CD44: variants seen among roughly 807,000 people sequenced by gnomAD.
CD44 encodes the protein CD44 antigen.
In CD44, 49 loss-of-function variants were observed where a neutral mutation model predicts 88.8. That is an observed-to-expected ratio of 0.55 (90% confidence interval 0.44 to 0.70). The LOEUF (loss-of-function observed/expected upper bound fraction) is 0.70. Among genes scored for constraint, CD44 ranks in the 30% least tolerant of loss-of-function variants. The pLI is 0.00. For synonymous variants in CD44, 325 were observed against 312.3 expected (o/e 1.04, Z -0.43); for missense variants, 883 against 913.8 (o/e 0.97, Z 0.43).
At position 35,162,206 on chromosome 11, in the gene CD44, T is replaced by C. The variant is rs372212854; in HGVS notation, c.68-14369T>C. Among the ~76,000 whole-genome samples the C allele has an allele frequency of 1.8e-3, 268 of 152,286 alleles. 1 individual carries two copies. The highest frequency in any genetic ancestry group is 6.4e-3 in the African/African-American group (265 of 41,572). On this transcript the variant is annotated intron_variant, in intron 1 of 17. Transcript: ENST00000428726. ...TTGCACCATGCTTTATGGAAACTAA[T>C]GGTGCTTTAAGAGGCACAGATTTCA...
intron 6 of CD44, chr11:35,197,344 A>G (rs1304246518): frequency 6.6e-6 from 1 of 152,614 alleles, no homozygotes; most frequent in African/African-American, 2.4e-5. Flanking sequence ...CCTGAATCTC[A>G]TTTAAAATGT....
chr11:35,218,908 A>G (rs1949061231), intron 15 of CD44: 1 of 175,972 alleles, frequency 5.7e-6, no homozygotes. Context: ...AAATCTCTGC[A>G]AAATTATGAT....
At chr11:35,211,725 T>G (rs1184858595) in intron 14 of CD44, among the ~76,000 whole-genome samples, 2 of 151,858 alleles carry the variant, frequency 1.3e-5, no homozygotes, top group Non-Finnish European at 2.9e-5. Flanking sequence ...AAGTTGGCTG[T>G]TATGATGGAA....
chr11:35,185,179 C>CGGG (rs1945533190), intron 3 of CD44, among the ~76,000 whole-genome samples: 1 of 152,276 alleles, frequency 6.6e-6, no homozygotes, highest in South Asian at 2.1e-4. Flanking sequence ...GTGATGGTGA[C>CGGG]AGGTGTGGGG....
At chr11:35,199,316 G>T (rs1947069215) in intron 7 of CD44, among the ~76,000 whole-genome samples, 1 of 152,204 alleles carries the variant, frequency 6.6e-6, no homozygotes, top group South Asian at 2.1e-4. Context: ...TTAAAAACAT[G>T]CAAAGGTTGG....
rs759929144 is a variant in CD44 at position 35,211,500 on chromosome 11, A to G, written c.1810+51A>G. On this transcript the variant is annotated intron_variant, in intron 14 of 17. Transcript: ENST00000428726. The stretch of plus-strand genomic sequence containing the variant: ...TGCTTTCTCTATATAGAGAAACAAT[A>G]TATAGTTTCATATTACAGAGGACAT... 19 of 1,304,678 alleles carry G rather than the reference A, an allele frequency of 1.5e-5. No homozygotes were observed. In the African/African-American group the frequency reaches 2.5e-4, roughly 17 times the overall value. 80.8% of individuals were successfully genotyped at this position (1,304,678 alleles called of 1,614,324 possible). A position where few individuals can be genotyped will look rare whatever the true frequency, so the allele number is the denominator to read the frequency against.
At chr11:35,213,591 G>T (rs1675007676) in intron 14 of CD44, 1 of 152,306 alleles carries the variant, frequency 6.6e-6, no homozygotes, top group African/African-American at 2.4e-5. Context: ...ATTGGAGGTT[G>T]CAGTGAGCCG....
At chr11:35,186,771 A>G (rs1479315032) in intron 3 of CD44, 61 bp from the exon 4 acceptor site, 2 of 928,036 alleles carry the variant, frequency 2.2e-6, no homozygotes. Flanking sequence ...ACTAATAAAA[A>G]TGAGGGTAGA....
chr11:35,159,080 A>G (rs879553145), intron 1 of CD44, among the ~76,000 whole-genome samples: 1 of 152,190 alleles, frequency 6.6e-6, no homozygotes, highest in Non-Finnish European at 1.5e-5. Context: ...GAGGCAGTTT[A>G]ACAGAGTAGC....
intron 1 of CD44, among the ~76,000 whole-genome samples, chr11:35,153,553 G>A (rs1226332030): frequency 3.3e-5 from 5 of 152,258 alleles, no homozygotes; most frequent in Non-Finnish European, 7.4e-5. Flanking sequence ...TTCACTCAAC[G>A]CATACTAGTT....
intron 17 of CD44, among the ~76,000 whole-genome samples, chr11:35,222,057 G>A (rs1384758294): frequency 6.6e-6 from 1 of 152,054 alleles, no homozygotes; most frequent in Non-Finnish European, 1.5e-5. Context: ...TGTTTTTTAG[G>A]GTTAAACCTC....
intron 4 of CD44, among the ~76,000 whole-genome samples, 159 bp from the exon 5 acceptor site, chr11:35,189,676 T>C (rs1422758182): frequency 6.6e-6 from 1 of 152,070 alleles, no homozygotes; most frequent in African/African-American, 2.4e-5. Flanking sequence ...GATGGGAGGG[T>C]GCACTTTCTT....
At chr11:35,192,048 T>C (rs914055835) in intron 5 of CD44, among the ~76,000 whole-genome samples, 1 of 152,206 alleles carries the variant, frequency 6.6e-6, no homozygotes, top group African/African-American at 2.4e-5. Flanking sequence ...CTACATATTA[T>C]TGGTTTAGAA....
chr11:35,170,055 A>C (rs926848813), intron 1 of CD44, among the ~76,000 whole-genome samples: 1 of 152,224 alleles, frequency 6.6e-6, no homozygotes, highest in African/African-American at 2.4e-5. Context: ...ATAAGTGTGC[A>C]ATGCTCATTG....
At position 35,179,514 on chromosome 11, in the gene CD44, C is replaced by T. The variant is rs531549010; in HGVS notation, c.234-760C>T. ...AGCTGTAACACACTCCCAGAGATAC[C>T]TTGGTGGGGAGAGAGGGGCTATGCA... is the stretch of plus-strand genomic sequence containing the variant. On this transcript the variant is annotated intron_variant, in intron 2 of 17. Coordinates refer to ENST00000428726, the MANE Select transcript of CD44 (RefSeq NM_000610.4). Among the ~76,000 whole-genome samples the T allele has an allele frequency of 1.4e-4, 22 of 152,202 alleles. No homozygotes were observed. In the South Asian group the frequency reaches 3.9e-3, roughly 27 times the overall value.
chr11:35,162,264 G>GT (rs59431510), intron 1 of CD44, among the ~76,000 whole-genome samples: 2,866 of 152,310 alleles, frequency 0.019, 44 homozygotes, highest in East Asian at 0.085. Flanking sequence ...CACCCTGATG[G>GT]TTCTAGGTCT....
chr11:35,152,045 C>T (rs530302653), intron 1 of CD44, among the ~76,000 whole-genome samples: 45 of 152,286 alleles, frequency 3.0e-4, no homozygotes, highest in African/African-American at 1.0e-3. Context: ...CTAGCTAATG[C>T]GAGGAAAGCT....
chr11:35,220,763 C>CTTTTTTT (rs34175178), intron 16 of CD44, among the ~76,000 whole-genome samples: 2 of 105,212 alleles, frequency 1.9e-5, no homozygotes, highest in African/African-American at 3.9e-5. Flanking sequence ...TAATATACGT[C>CTTTTTTT]TTTTTTTTTT....
intron 15 of CD44, among the ~76,000 whole-genome samples, chr11:35,217,470 C>T (rs1299624830): frequency 6.6e-6 from 1 of 152,002 alleles, no homozygotes; most frequent in African/African-American, 2.4e-5. Flanking sequence ...GAAAACCTGC[C>T]AACCACCAAG....
Sources: gnomAD v4.1 joint callset for allele counts (sites outside exome capture counted in the v4.1 genomes callset) on GRCh38, gnomAD v4.1.1 for gene constraint, MANE v1.5 for transcripts, NCBI Gene and HGNC (gene_info 2026-07-23, HGNC 2026-07-21) for gene names.